The following RAB27A variants were observed in gnomAD, a reference collection of about 807,000 sequenced individuals.
RAB27A encodes RAB27A, member RAS oncogene family, also known as ras-related protein Rab-27A.
In RAB27A, 17 loss-of-function variants were observed where a neutral mutation model predicts 20.8. The observed-to-expected ratio is 0.82, with a 90% CI of 0.56 to 1.23. RAB27A has a LOEUF of 1.23. Ranked by LOEUF, RAB27A falls within the 50% of genes most tolerant of loss-of-function variation. The probability of loss-of-function intolerance (pLI) is 0.00; values close to 1 mark genes in which losing one functional copy is unlikely to be tolerated. For synonymous variants in RAB27A, 85 were observed against 92.8 expected (o/e 0.92, Z 0.48); for missense variants, 277 against 266.7 (o/e 1.04, Z -0.27).
chr15:55,241,624 A>ATGTG (rs1555395487), intron 2 of RAB27A, among the ~76,000 whole-genome samples: 2,459 of 117,634 alleles, frequency 0.021, 47 homozygotes, highest in Non-Finnish European at 0.029. Context: ...ATATATATAT[A>ATGTG]TGTGTGTATA....
At chr15:55,256,108 G>C (rs1163173213) in intron 2 of RAB27A, among the ~76,000 whole-genome samples, 17 of 152,166 alleles carry the variant, frequency 1.1e-4, no homozygotes, top group Admixed American at 1.1e-3. Context: ...AGTAGAGGCT[G>C]GGAGGTCAGA....
Position 55,222,988 on chromosome 15 carries a change from A to ATGC in RAB27A, c.467+898_467+900dup, listed in dbSNP as rs148830551. Among the ~76,000 whole-genome samples the ATGC allele has an allele frequency of 3.9e-3, 585 of 151,712 alleles. 4 individuals are homozygous for ATGC. The highest frequency in any genetic ancestry group is 6.2e-3 in the Non-Finnish European group (422 of 67,944). ...TGACCACTTCTTTCATGTCCAGTTC[A>ATGC]TGCTGCTGCTGCTGCTGCTGCTGCT... is the stretch of plus-strand genomic sequence containing the variant. On this transcript the variant is annotated intron_variant, in intron 6 of 6. Coordinates refer to ENST00000336787, the MANE Select transcript of RAB27A (RefSeq NM_183235.3).
rs566218360 is a variant in RAB27A, at chr15:55,205,759, C to T, written c.468-54G>A. 6.4e-5 allele frequency: 93 copies of T among 1,451,116 alleles called. 1 individual carries two copies. The South Asian group carries it at 1.0e-3, about 16-fold the overall frequency. The allele number at this position is 1,451,116 out of a possible 1,614,324, so 89.9% of individuals were successfully genotyped here. A position where few individuals can be genotyped will look rare whatever the true frequency, so the allele number is the denominator to read the frequency against. On this transcript the variant is annotated intron_variant, in intron 6 of 6. Transcript: ENST00000336787. ...ACATGTGGAGGGAAAGGAGAGTGAC[C>T]TTTGCTCTTGATAATTCAAATTAGA...
intron 2 of RAB27A, among the ~76,000 whole-genome samples, chr15:55,263,057 A>G (rs1036858881): frequency 1.3e-5 from 2 of 152,080 alleles, no homozygotes; most frequent in Non-Finnish European, 2.9e-5. Context: ...TAATCTGTTA[A>G]TTTACCAGCT....
chr15:55,213,616 C>T (rs1355070009), intron 6 of RAB27A, among the ~76,000 whole-genome samples: 1 of 152,176 alleles, frequency 6.6e-6, no homozygotes, highest in African/African-American at 2.4e-5. Context: ...ACCACCTGAG[C>T]TCTGTCTCCT....
At chr15:55,301,132 A>T (rs2054969900) in intron 2 of RAB27A, among the ~76,000 whole-genome samples, 2 of 152,114 alleles carry the variant, frequency 1.3e-5, no homozygotes. Context: ...GGATGAATGC[A>T]GCTTTGGACC....
chr15:55,237,104 A>G (rs1175454393), intron 2 of RAB27A, among the ~76,000 whole-genome samples: 1 of 152,140 alleles, frequency 6.6e-6, no homozygotes, highest in Non-Finnish European at 1.5e-5. Context: ...TTATCCATCT[A>G]TACACATGCC....
At chr15:55,318,673 C>T (rs182841907) in intron 1 of RAB27A, among the ~76,000 whole-genome samples, 147 of 150,300 alleles carry the variant, frequency 9.8e-4, no homozygotes, top group African/African-American at 3.5e-3. Context: ...TGCACTCCAG[C>T]CTGGACTACA....
At chr15:55,285,388 A>G (rs1236078147) in intron 1 of RAB27A, among the ~76,000 whole-genome samples, 18 of 152,156 alleles carry the variant, frequency 1.2e-4, no homozygotes, top group Admixed American at 1.2e-3. Context: ...ATTTTACTTG[A>G]CAATAAATAA....
chr15:55,244,952 A>G (rs1047568491), intron 2 of RAB27A, among the ~76,000 whole-genome samples: 2 of 152,162 alleles, frequency 1.3e-5, no homozygotes, highest in African/African-American at 4.8e-5. Flanking sequence ...TTTTGTTTTA[A>G]TAATGCCATT....
chr15:55,267,147 T>C (rs1897523376), intron 2 of RAB27A, among the ~76,000 whole-genome samples: 1 of 152,100 alleles, frequency 6.6e-6, no homozygotes, highest in Non-Finnish European at 1.5e-5. Context: ...CGTGTGAAAA[T>C]GGCAAATCCA....
In RAB27A at chr15:55,274,639, G is replaced by A. The variant is rs766449701; in HGVS notation, c.-142-4355C>T. ...TTAAAAACACAAAAATTAGCCAGGC[G>A]TGGTGGCAGGTGCCTGTAATCCCAG... is the stretch of plus-strand genomic sequence containing the variant. On this transcript the variant is annotated intron_variant, in intron 1 of 6. Coordinates refer to ENST00000336787, the MANE Select transcript of RAB27A (RefSeq NM_183235.3). 3.0e-3 allele frequency among the ~76,000 whole-genome samples: 450 copies of A among 151,246 alleles called. 2 individuals carry two copies. Among genetic ancestry groups the A allele is most frequent in the Non-Finnish European group, 4.4e-3 (301 of 67,722 alleles).
chr15:55,301,809 C>A (rs1370186061), intron 2 of RAB27A, among the ~76,000 whole-genome samples: 1 of 151,928 alleles, frequency 6.6e-6, no homozygotes, highest in Non-Finnish European at 1.5e-5. Flanking sequence ...CCATACCTTG[C>A]TAATTTTTGT....
At chr15:55,228,443 A>C (rs1895895099) in intron 5 of RAB27A, among the ~76,000 whole-genome samples, 166 bp downstream of exon 5, 1 of 152,336 alleles carries the variant, frequency 6.6e-6, no homozygotes, top group Middle Eastern at 3.4e-3. Context: ...GGAGAAGCAG[A>C]GTATTTCAAT....
At chr15:55,283,373 T>A (rs10604164) in intron 1 of RAB27A, among the ~76,000 whole-genome samples, 2 of 124,266 alleles carry the variant, frequency 1.6e-5, no homozygotes, top group African/African-American at 7.2e-5. Context: ...ACCGACCGAC[T>A]GATTCCTGAC....
At chr15:55,217,092 C>A (rs1895340902) in intron 6 of RAB27A, among the ~76,000 whole-genome samples, 1 of 152,206 alleles carries the variant, frequency 6.6e-6, no homozygotes, top group African/African-American at 2.4e-5. Flanking sequence ...ATTCAAGTAA[C>A]AAACTTCTTT....
chr15:55,215,826 A>C (rs1035282680), intron 6 of RAB27A, among the ~76,000 whole-genome samples: 5 of 143,458 alleles, frequency 3.5e-5, no homozygotes, highest in Non-Finnish European at 7.6e-5. Flanking sequence ...GGCGCCTATA[A>C]TCCCAGCTAC....
At chr15:55,295,076 C>G (rs1044600042) in intron 2 of RAB27A, among the ~76,000 whole-genome samples, 19 of 152,006 alleles carry the variant, frequency 1.2e-4, no homozygotes, top group African/African-American at 4.4e-4. Flanking sequence ...AAATGGCCAA[C>G]TTCAAATGAA....
chr15:55,283,219 AACT>A (rs1251593733), intron 1 of RAB27A, among the ~76,000 whole-genome samples: 1 of 152,202 alleles, frequency 6.6e-6, no homozygotes, highest in Non-Finnish European at 1.5e-5. Context: ...TGCCAGGAGT[AACT>A]CCCCAGCTGT....
Sources: gnomAD v4.1 joint callset for allele counts (sites outside exome capture counted in the v4.1 genomes callset) on GRCh38, gnomAD v4.1.1 for gene constraint, MANE v1.5 for transcripts, NCBI Gene and HGNC (gene_info 2026-07-23, HGNC 2026-07-21) for gene names.